The following CPNE4 variants were observed in gnomAD, a reference collection of about 807,000 sequenced individuals.
CPNE4 encodes the protein copine-4.
Under a neutral mutation model 67.9 loss-of-function variants are expected in CPNE4, and 25 were observed. The observed-to-expected ratio is 0.37, with a 90% CI of 0.27 to 0.51. CPNE4 has a LOEUF of 0.51. CPNE4 is among the 20% of genes least tolerant of loss of function. The pLI is 0.93. For missense variants in CPNE4, 464 were observed against 690.8 expected, an observed-to-expected ratio of 0.67 and a Z score of 3.68; for synonymous variants, 242 against 244.9, an observed-to-expected ratio of 0.99 and a Z score of 0.11.
chr3:131,975,296 G>A (rs547085874), intron 1 of CPNE4, among the ~76,000 whole-genome samples: 1 of 152,276 alleles, frequency 6.6e-6, no homozygotes, highest in East Asian at 1.9e-4. Context: ...TCAGCCTCCA[G>A]GCAATATAGG....
intron 3 of CPNE4, among the ~76,000 whole-genome samples, chr3:131,703,387 G>A (rs1228191935): frequency 6.6e-6 from 1 of 152,212 alleles, no homozygotes; most frequent in African/African-American, 2.4e-5. Context: ...AGGGTGAAGT[G>A]TAGAGGGAGG....
intron 7 of CPNE4, among the ~76,000 whole-genome samples, chr3:131,614,089 T>G (rs1387539355): frequency 1.3e-5 from 2 of 152,104 alleles, no homozygotes; most frequent in Non-Finnish European, 2.9e-5. Context: ...ATTTTATTGG[T>G]TTGTAGCCCA....
At chr3:131,944,319 G>A (rs1003050149) in intron 1 of CPNE4, among the ~76,000 whole-genome samples, 3 of 152,002 alleles carry the variant, frequency 2.0e-5, no homozygotes, top group Admixed American at 6.6e-5. Context: ...ACTTCATGGT[G>A]TGGGCAATTT....
At chr3:131,698,399 G>A (rs759613292) in intron 4 of CPNE4, among the ~76,000 whole-genome samples, 11 of 152,004 alleles carry the variant, frequency 7.2e-5, no homozygotes, top group Admixed American at 1.3e-4. Flanking sequence ...TGGTTTTGTG[G>A]GCTTTGGGAG....
intron 14 of CPNE4, among the ~76,000 whole-genome samples, chr3:131,546,075 C>A (rs1935819762): frequency 2.6e-5 from 4 of 151,862 alleles, no homozygotes; most frequent in African/African-American, 7.3e-5. Context: ...ACACAAAAAA[C>A]CACACACACA....
chr3:131,844,756 T>C (rs1445143508), intron 2 of CPNE4, among the ~76,000 whole-genome samples: 1 of 152,212 alleles, frequency 6.6e-6, no homozygotes, highest in East Asian at 1.9e-4. Flanking sequence ...ATTATCATTT[T>C]CTCTCCCATT....
chr3:132,038,486 C>T (rs1490243873), upstream of CPNE4, among the ~76,000 whole-genome samples: 2 of 152,134 alleles, frequency 1.3e-5, no homozygotes, highest in African/African-American at 2.4e-5. Flanking sequence ...AAACCATAGG[C>T]AGAGGGCATT....
intron 14 of CPNE4, among the ~76,000 whole-genome samples, chr3:131,549,432 C>G (rs900312957): frequency 1.3e-5 from 2 of 152,010 alleles, no homozygotes; most frequent in Admixed American, 1.3e-4. Flanking sequence ...GGGCAAAACT[C>G]AAACTCTGGT....
chr3:131,721,343 C>CA (rs58912595), intron 3 of CPNE4, among the ~76,000 whole-genome samples: 11,496 of 63,288 alleles, frequency 0.18, 697 homozygotes, highest in Non-Finnish European at 0.21. Flanking sequence ...AGCTTTGGAC[C>CA]AAAAAAAAAA....
chr3:131,985,680 G>A (rs375876143), intron 1 of CPNE4, among the ~76,000 whole-genome samples: 2 of 152,088 alleles, frequency 1.3e-5, no homozygotes, highest in Non-Finnish European at 2.9e-5. Context: ...GGATCACTTC[G>A]TAATCAGTGG....
At chr3:131,646,747 A>T (rs1291720016) in intron 7 of CPNE4, among the ~76,000 whole-genome samples, 5 of 152,238 alleles carry the variant, frequency 3.3e-5, no homozygotes, top group Admixed American at 3.3e-4. Flanking sequence ...AATTAAAAAT[A>T]AAAAACAATG....
intron 7 of CPNE4, among the ~76,000 whole-genome samples, chr3:131,632,741 C>T (rs6766582): frequency 0.27 from 41,809 of 152,098 alleles, 9,503 homozygotes; most frequent in African/African-American, 0.63. Flanking sequence ...AGTCCTTGAG[C>T]ACCTTTTCTT....
chr3:131,724,520 C>T (rs1267307152), intron 2 of CPNE4, among the ~76,000 whole-genome samples: 1 of 152,154 alleles, frequency 6.6e-6, no homozygotes, highest in African/African-American at 2.4e-5. Flanking sequence ...TTCCTGGCAC[C>T]CTTGCCCTCT....
At chr3:131,642,340 C>T (rs2107796349) in intron 7 of CPNE4, among the ~76,000 whole-genome samples, 1 of 152,186 alleles carries the variant, frequency 6.6e-6, no homozygotes, top group Admixed American at 6.5e-5. Context: ...CTGCCTGCCT[C>T]TGGCAGCATC....
In CPNE4 at chr3:131,767,737, C is replaced by G. The variant is rs139549165; in HGVS notation, c.181-44112G>C. On this transcript the variant is annotated intron_variant, in intron 2 of 15. Transcript: ENST00000429747. Reference sequence around the variant, plus strand: ...GCCAGAAAGATTTCTTTTCAGTTCCCCAAATCCCTGCTACCCCAAACATTC... The same window carrying G: ...GCCAGAAAGATTTCTTTTCAGTTCCGCAAATCCCTGCTACCCCAAACATTC... Among the ~76,000 whole-genome samples, 86 of 152,018 alleles carry G rather than the reference C, an allele frequency of 5.7e-4. 1 individual carries two copies. Among genetic ancestry groups the G allele is most frequent in the Middle Eastern group, 3.4e-3 (1 of 294 alleles).
In CPNE4 at chr3:131,925,798, G is replaced by A. The variant is rs2070877791; in HGVS notation, c.-1-20354C>T. 1.3e-5 allele frequency among the ~76,000 whole-genome samples: 2 copies of A among 152,038 alleles called. 1 individual carries two copies. The highest frequency in any genetic ancestry group is 4.2e-4 in the South Asian group (2 of 4,808). The stretch of plus-strand genomic sequence containing the variant: ...GTTTCTGACTGGGCAGCCTCCCCAG[G>A]GCTACACATCAAATGAACACTTGAG... On this transcript the variant is annotated intron_variant, in intron 1 of 15. Coordinates refer to ENST00000429747, the MANE Select transcript of CPNE4 (RefSeq NM_130808.3).
chr3:131,997,904 G>C (rs1331991963), intron 1 of CPNE4, among the ~76,000 whole-genome samples: 2 of 151,984 alleles, frequency 1.3e-5, no homozygotes, highest in African/African-American at 4.8e-5. Context: ...GTTTCATGAG[G>C]GCTGAACTCT....
Position 131,591,371 on chromosome 3 carries a change from A to G in CPNE4, c.682-3789T>C, listed in dbSNP as rs374383877. Among the ~76,000 whole-genome samples the G allele has an allele frequency of 1.4e-3, 215 of 152,308 alleles. 4 individuals are homozygous for G. In the South Asian group the frequency reaches 0.018, roughly 13 times the overall value. On this transcript the variant is annotated intron_variant, in intron 7 of 15. Coordinates refer to ENST00000429747, the MANE Select transcript of CPNE4 (RefSeq NM_130808.3). ...AACTTTTTTTTAACACTACCCTGAAATGGGAAAGAGCAGGAGTTCCCTTCT... is the reference window on the plus strand; with the variant it reads ...AACTTTTTTTTAACACTACCCTGAAGTGGGAAAGAGCAGGAGTTCCCTTCT...
intron 2 of CPNE4, among the ~76,000 whole-genome samples, chr3:131,740,793 A>T (rs6768562): frequency 0.56 from 84,980 of 151,948 alleles, 24,586 homozygotes; most frequent in Non-Finnish European, 0.63. Flanking sequence ...CAAACTTTTC[A>T]TTGTAATCTT....
Sources: allele counts gnomAD v4.1 joint callset (sites outside exome capture counted in the v4.1 genomes callset), GRCh38; gene constraint gnomAD v4.1.1; transcripts MANE v1.5; gene names NCBI Gene and HGNC (gene_info 2026-07-23, HGNC 2026-07-21).